Variants in VPS4A observed in about 807,000 individuals in gnomAD.
VPS4A encodes the protein vacuolar protein sorting-associated protein 4A.
A neutral mutation model predicts 52.3 loss-of-function variants in VPS4A; 20 were observed. That is an observed-to-expected ratio of 0.38 (90% CI 0.27 to 0.56). The LOEUF (loss-of-function observed/expected upper bound fraction) is 0.56, where lower values mean the gene tolerates loss of function less well. Among genes scored for constraint, VPS4A ranks in the 20% least tolerant of loss-of-function variants. The pLI is 0.72. For missense variants in VPS4A, 419 were observed against 575.9 expected (o/e 0.73, Z 2.79); for synonymous variants, 293 against 227.7 (o/e 1.29, Z -2.58).
At position 69,320,617 on chromosome 16, in the gene VPS4A, G is replaced by A. The variant is rs1402259927; in HGVS notation, c.770-71G>A. The A allele has an allele frequency of 3.7e-6, 5 of 1,363,106 alleles. No individual in the cohort carries two copies. In the African/African-American group the frequency reaches 4.3e-5, roughly 12 times the overall value. 84.4% of individuals were successfully genotyped at this position (1,363,106 alleles called of 1,614,324 possible). A position where few individuals can be genotyped will look rare whatever the true frequency, so the allele number is the denominator to read the frequency against. On this transcript the variant is annotated intron_variant, in intron 7 of 10. Transcript: ENST00000254950. This position sits in a 1 kb window ranked among gnomAD's most constrained non-coding sequence, Gnocchi z 4.2. ...ATTGCTGACACACAAAGCCCCCGGG[G>A]TCTGTCCCCAGGTTTCAACTGACCC...
Position 69,312,358 on chromosome 16 carries a change from A to G in VPS4A, c.21+826A>G, listed in dbSNP as rs1484920979. On this transcript the variant is annotated intron_variant, in intron 1 of 10. Coordinates refer to ENST00000254950, the MANE Select transcript of VPS4A (RefSeq NM_013245.3). Reference sequence around the variant, plus strand: ...AGCCAACAAAGTGCCTGGGAGAGTTAGGCAAGACTTCATGGAAGAAGGGAC... The same window carrying G: ...AGCCAACAAAGTGCCTGGGAGAGTTGGGCAAGACTTCATGGAAGAAGGGAC... 2.0e-5 allele frequency among the ~76,000 whole-genome samples: 3 copies of G among 152,196 alleles called. No individual in the cohort carries two copies. The East Asian group carries it at 5.8e-4, about 29-fold the overall frequency.
chr16:69,326,260 G>C lies in VPS4A; in HGVS notation c.*1951G>C, dbSNP rs537219898. 6.6e-6 allele frequency: 1 copy of C among 152,354 alleles called. No individual in the cohort carries two copies. The highest frequency in any genetic ancestry group is 2.4e-5 in the African/African-American group (1 of 41,566). 9.4% of individuals were successfully genotyped at this position (152,354 alleles called of 1,614,324 possible). A position where few individuals can be genotyped will look rare whatever the true frequency, so the allele number is the denominator to read the frequency against. On this transcript the variant is annotated 3_prime_UTR_variant, in exon 11 of 11. Coordinates refer to ENST00000254950, the MANE Select transcript of VPS4A (RefSeq NM_013245.3). Reference sequence around the variant, plus strand: ...GCTCTGGTTCAGAGCCTCTGCAGAAGTGAGCTAACTTTGGATCAGTAGCTC... The same window carrying C: ...GCTCTGGTTCAGAGCCTCTGCAGAACTGAGCTAACTTTGGATCAGTAGCTC...
Position 69,316,361 on chromosome 16 carries a change from T to G in VPS4A, c.270T>G (p.Ser90Arg). 6.2e-7 allele frequency: 1 copy of G among 1,613,492 alleles called. No individual in the cohort carries two copies. Among genetic ancestry groups the G allele is most frequent in the Non-Finnish European group, 8.5e-7 (1 of 1,179,760 alleles). Residue 90 changes from serine to arginine, a missense_variant, in exon 3 of 11, where the codon AGT becomes AGG. By Grantham distance (110) the Ser-to-Arg change is moderately radical. This residue lies in a region of VPS4A where 131 missense variants were observed against 165.4 expected (regional missense o/e 0.79). Coordinates refer to ENST00000254950, the MANE Select transcript of VPS4A (RefSeq NM_013245.3). ...AGAAGCCAGTCAAAGAGAACCAGAG[T>G]GAGGGCAAGGGGTGAGTGTCTGCAG... ...HGKKPVKENQ[S>R]EGKGSDSDSE...
intron 10 of VPS4A, chr16:69,322,952 C>T (rs1965532873): frequency 3.9e-6 from 1 of 253,592 alleles, no homozygotes; most frequent in Admixed American, 5.1e-5. Context: ...CTTGTAGTCC[C>T]AGCTACTCAG....
Position 69,320,210 on chromosome 16 carries a change from T to G in VPS4A, c.690T>G (p.Asp230Glu). ...KPSIIFIDEV[D>E]SLCGSRNENE... ...CCATCATCTTCATCGATGAGGTGGATTCCCTCTGCGGGTCCCGAAATGAAA... is the reference window on the plus strand; with the variant it reads ...CCATCATCTTCATCGATGAGGTGGAGTCCCTCTGCGGGTCCCGAAATGAAA... The change falls in exon 7 of 11, where the codon GAT (aspartate) becomes GAG (glutamate). Residue 230 changes from aspartate (D) to glutamate (E), a missense_variant. Asp to Glu is a conservative substitution (Grantham distance 45). Coordinates refer to ENST00000254950, the MANE Select transcript of VPS4A (RefSeq NM_013245.3). The surrounding 1 kb of genome is among the most constrained non-coding windows in gnomAD (Gnocchi z 4.2). The G allele has an allele frequency of 6.2e-7, 1 of 1,613,980 alleles. No homozygotes were observed. Among genetic ancestry groups the G allele is most frequent in the Non-Finnish European group, 8.5e-7 (1 of 1,179,868 alleles).
In VPS4A at chr16:69,321,809, T is replaced by G. The variant is rs1965516282; in HGVS notation, c.1071+539T>G. 2 of 165,494 alleles carry G rather than the reference T, an allele frequency of 1.2e-5. No individual in the cohort carries two copies. The highest frequency in any genetic ancestry group is 1.2e-4 in the Admixed American group (2 of 17,192). The allele number at this position is 165,494 out of a possible 1,614,324, so 10.3% of individuals were successfully genotyped here. On this transcript the variant is annotated intron_variant, in intron 9 of 10. Coordinates refer to ENST00000254950, the MANE Select transcript of VPS4A (RefSeq NM_013245.3). The surrounding 1 kb of genome is among the most constrained non-coding windows in gnomAD (Gnocchi z 4.5). ...AGATGGAGCAGGGTTAGGAGAGAGG[T>G]GTCTCGGGCATGGAGGGAAGGGCAG...
chr16:69,319,217 T>TGCC (rs1965478806), intron 5 of VPS4A, among the ~76,000 whole-genome samples, 170 bp from the exon 6 acceptor site: 2 of 151,706 alleles, frequency 1.3e-5, no homozygotes, highest in Non-Finnish European at 2.9e-5. Context: ...GGTCATGGGG[T>TGCC]CATAGCACAG....
chr16:69,322,366 G>A, intron 9 of VPS4A, 194 bp from the exon 10 acceptor site: 2 of 518,974 alleles, frequency 3.9e-6, no homozygotes, highest in Non-Finnish European at 6.8e-6. Context: ...AAGGCATTGG[G>A]GCTACAGATT....
In VPS4A at chr16:69,321,128, C is replaced by T; in HGVS notation, c.929C>T (p.Thr310Ile). 6 of 1,593,390 alleles carry T rather than the reference C, an allele frequency of 3.8e-6. No homozygotes were observed. Among genetic ancestry groups the T allele is most frequent in the South Asian group, 1.1e-5 (1 of 87,318 alleles). The change falls in exon 9 of 11, where the codon ACT becomes ATT. Residue 310 changes from threonine (T) to isoleucine (I), a missense_variant. Physicochemically the swap from Thr to Ile is moderately conservative, Grantham distance 89. Transcript: ENST00000254950. The surrounding 1 kb of genome is among the most constrained non-coding windows in gnomAD (Gnocchi z 4.5). ...ATGTTCCGGTTGCATCTCGGGAGCACTCCCCACAACCTCACGGATGCAAAC... is the reference window on the plus strand; with the variant it reads ...ATGTTCCGGTTGCATCTCGGGAGCATTCCCCACAACCTCACGGATGCAAAC... ...AQMFRLHLGS[T>I]PHNLTDANIH...
chr16:69,320,755 G>A lies in VPS4A; in HGVS notation c.837G>A (p.Ser279=), dbSNP rs538687464. ...GATNIPWVLD[S]AIRRRFEKRI... ...CAAACATCCCATGGGTGTTGGATTC[G>A]GCCATCAGGAGGAGGTGAGTCTTCC... Residue 279 remains serine (S), a synonymous_variant, in exon 8 of 11, where the codon TCG becomes TCA. Transcript: ENST00000254950. This position sits in a 1 kb window ranked among gnomAD's most constrained non-coding sequence, Gnocchi z 4.2. The A allele has an allele frequency of 1.4e-5, 23 of 1,606,818 alleles. No homozygotes were observed. In the South Asian group the frequency reaches 1.8e-4, roughly 12 times the overall value.
In VPS4A at chr16:69,321,280, C is replaced by T. The variant is rs758159196; in HGVS notation, c.1071+10C>T. On this transcript the variant is annotated intron_variant, in intron 9 of 10. Coordinates refer to ENST00000254950, the MANE Select transcript of VPS4A (RefSeq NM_013245.3). The surrounding 1 kb of genome is among the most constrained non-coding windows in gnomAD (Gnocchi z 4.5). ...CACACACTTCAAAAAGGTGAGTGCC[C>T]GCGGCCACTGCTGAGAAAAATCTCA... 4.4e-5 allele frequency: 68 copies of T among 1,549,424 alleles called. No homozygotes were observed. The highest frequency in any genetic ancestry group is 5.2e-5 in the Non-Finnish European group (60 of 1,146,328).
chr16:69,320,852 C>A lies in VPS4A; in HGVS notation c.851+83C>A. ...CCGCCTGCTGCTGGCAGCCCGGGTG[C>A]AGCCTGGCCCCTTTTCCCTGGAGTC... On this transcript the variant is annotated intron_variant, in intron 8 of 10. Transcript: ENST00000254950. This position sits in a 1 kb window ranked among gnomAD's most constrained non-coding sequence, Gnocchi z 4.2. 1 of 1,401,488 alleles carries A rather than the reference C, an allele frequency of 7.1e-7. No individual in the cohort carries two copies. The highest frequency in any genetic ancestry group is 9.8e-7 in the Non-Finnish European group (1 of 1,017,176). 86.8% of individuals were successfully genotyped at this position (1,401,488 alleles called of 1,614,324 possible). A position where few individuals can be genotyped will look rare whatever the true frequency, so the allele number is the denominator to read the frequency against.
At chr16:69,323,591 A>G (rs1490054899) in intron 10 of VPS4A, 1 of 455,270 alleles carries the variant, frequency 2.2e-6, no homozygotes, top group African/African-American at 2.0e-5. Flanking sequence ...CCTCACCTGC[A>G]TAGCCTGGCC....
chr16:69,311,412 CCGCCGGGCTT>C lies in VPS4A; in HGVS notation c.-98_-89del. The C allele has an allele frequency of 1.7e-6, 2 of 1,202,414 alleles. No individual in the cohort carries two copies. The highest frequency in any genetic ancestry group is 2.1e-6 in the Non-Finnish European group (2 of 954,464). The allele number at this position is 1,202,414 out of a possible 1,614,324, so 74.5% of individuals were successfully genotyped here. A position where few individuals can be genotyped will look rare whatever the true frequency, so the allele number is the denominator to read the frequency against. Reference sequence around the variant, plus strand: ...GCCCGCGCACCGCGCTCAGCGCCCACCGCCGGGCTTCCCGCGCCGGACCCAGTACCTCGGC... The same window carrying C: ...GCCCGCGCACCGCGCTCAGCGCCCACCCCGCGCCGGACCCAGTACCTCGGC... On this transcript the variant is annotated 5_prime_UTR_variant, in exon 1 of 11. Transcript: ENST00000254950.
At chr16:69,319,028 C>G in intron 5 of VPS4A, 86 bp downstream of exon 5, 1 of 1,549,698 alleles carries the variant, frequency 6.5e-7, no homozygotes, top group Non-Finnish European at 8.7e-7. Context: ...GAGTCAGTGG[C>G]GACTCAGCCC....
At chr16:69,324,171 C>G in intron 10 of VPS4A, 37 bp from the exon 11 acceptor site, 1 of 1,600,456 alleles carries the variant, frequency 6.2e-7, no homozygotes, top group Non-Finnish European at 8.5e-7. Context: ...GACCTGGAGC[C>G]TGGCTCCTGC....
rs930431084 is a variant in VPS4A at position 69,325,277 on chromosome 16, G to A, written c.*968G>A. The A allele has an allele frequency of 6.6e-6, 1 of 152,270 alleles. No homozygotes were observed. The highest frequency in any genetic ancestry group is 2.4e-5 in the African/African-American group (1 of 41,442). The allele number at this position is 152,270 out of a possible 1,614,324, so 9.4% of individuals were successfully genotyped here. ...TGGGATCCAGACAGTTCTTGCCGTT[G>A]TTCGGCCTACAGATCAGAGACTGCA... On this transcript the variant is annotated 3_prime_UTR_variant, in exon 11 of 11. Coordinates refer to ENST00000254950, the MANE Select transcript of VPS4A (RefSeq NM_013245.3).
chr16:69,316,843 G>A (rs189784828), intron 3 of VPS4A, among the ~76,000 whole-genome samples: 17 of 152,312 alleles, frequency 1.1e-4, no homozygotes, highest in Middle Eastern at 3.4e-3. Flanking sequence ...TGGGGCGGCC[G>A]GCTCGGGTTA....
intron 6 of VPS4A, among the ~76,000 whole-genome samples, chr16:69,319,938 C>T (rs994948569): frequency 5.9e-5 from 9 of 152,300 alleles, no homozygotes; most frequent in African/African-American, 1.7e-4. Context: ...GATTGAGGCT[C>T]TGCGTTTGGG....
Sources: allele counts gnomAD v4.1 joint callset (sites outside exome capture counted in the v4.1 genomes callset), GRCh38; gene constraint gnomAD v4.1.1; regional missense constraint gnomAD v4.1.1; non-coding constraint Gnocchi (gnomAD v3.1); transcripts MANE v1.5; gene names NCBI Gene and HGNC (gene_info 2026-07-23, HGNC 2026-07-21).